Variants in IPCEF1 observed in about 807,000 individuals in gnomAD.
IPCEF1 encodes interactor protein for cytohesin exchange factors 1.
A neutral mutation model predicts 50.9 loss-of-function variants in IPCEF1; 31 were observed. The ratio of observed to expected loss-of-function variants is 0.61; its 90% CI spans 0.46 to 0.82. IPCEF1 has a LOEUF of 0.82. Ranked by LOEUF, IPCEF1 falls within the 40% of genes least tolerant of loss-of-function variation. IPCEF1 has a pLI of 0.00. For missense variants in IPCEF1, 458 were observed against 514.0 expected (o/e 0.89, Z 1.05); for synonymous variants, 181 against 192.0 (o/e 0.94, Z 0.47).
intron 1 of IPCEF1, among the ~76,000 whole-genome samples, chr6:154,305,227 T>C (rs940699217): frequency 1.3e-5 from 2 of 152,180 alleles, no homozygotes; most frequent in African/African-American, 2.4e-5. Context: ...GTGTCTGTCT[T>C]GGGACAAAAA....
At chr6:154,343,961 G>T (rs1783973732) in intron 1 of IPCEF1, among the ~76,000 whole-genome samples, 1 of 152,084 alleles carries the variant, frequency 6.6e-6, no homozygotes, top group Non-Finnish European at 1.5e-5. Flanking sequence ...GAACATCAAG[G>T]CGCCCTGCAT....
chr6:154,229,462 G>A (rs182705895), intron 5 of IPCEF1, among the ~76,000 whole-genome samples: 19 of 146,098 alleles, frequency 1.3e-4, no homozygotes, highest in Middle Eastern at 3.6e-3. Flanking sequence ...CCATTCTCCC[G>A]CCTCAGCCTC....
chr6:154,192,196 TA>T (rs1234022780), intron 10 of IPCEF1, among the ~76,000 whole-genome samples: 1 of 152,214 alleles, frequency 6.6e-6, no homozygotes, highest in Non-Finnish European at 1.5e-5. Flanking sequence ...AATTGCTTTC[TA>T]AATTGGTTCC....
chr6:154,168,707 G>C lies in IPCEF1; in HGVS notation c.911-594C>G, dbSNP rs1028739843. 2.0e-5 allele frequency among the ~76,000 whole-genome samples: 3 copies of C among 152,008 alleles called. No individual in the cohort carries two copies. Among genetic ancestry groups the C allele is most frequent in the African/African-American group, 7.2e-5 (3 of 41,380 alleles). On this transcript the variant is annotated intron_variant, in intron 10 of 11. Coordinates refer to ENST00000367220, the MANE Select transcript of IPCEF1 (RefSeq NM_001130700.2). The surrounding 1 kb of genome is among the most constrained non-coding windows in gnomAD (Gnocchi z 4.1). ...TGAAACCTACACCTCCCAGGTTCAA[G>C]TGATTCTCCTGTCTCAGCCTCCCAA...
Position 154,288,676 on chromosome 6 carries a change from C to CAAAAAAAAAAAAAAAAAAAAAAA in IPCEF1, c.-18+1014_-18+1036dup, listed in dbSNP as rs558703057. ...GACTCTGTCTAAAAAACAAAAAAAA[C>CAAAAAAAAAAAAAAAAAAAAAAA]AAAAAAAAAAAAAAAAAAAAAAAAA... On this transcript the variant is annotated intron_variant, in intron 2 of 11. Transcript: ENST00000367220. Among the ~76,000 whole-genome samples the CAAAAAAAAAAAAAAAAAAAAAAA allele has an allele frequency of 2.1e-4, 10 of 46,818 alleles. 1 individual carries two copies. Among genetic ancestry groups the CAAAAAAAAAAAAAAAAAAAAAAA allele is most frequent in the Non-Finnish European group, 3.9e-4 (8 of 20,268 alleles). The allele number at this position is 46,818 out of a possible 152,430, so 30.7% of individuals were successfully genotyped here.
intron 2 of IPCEF1, among the ~76,000 whole-genome samples, chr6:154,277,756 G>A (rs1246558080): frequency 6.6e-6 from 1 of 152,202 alleles, no homozygotes; most frequent in Admixed American, 6.5e-5. Context: ...CTGAACACAT[G>A]TGGGCTTATT....
chr6:154,163,948 A>T (rs568056277), intron 11 of IPCEF1, among the ~76,000 whole-genome samples: 1 of 152,242 alleles, frequency 6.6e-6, no homozygotes, highest in African/African-American at 2.4e-5. Flanking sequence ...GGGATTGTTT[A>T]TAGAAAGTTA....
intron 10 of IPCEF1, among the ~76,000 whole-genome samples, chr6:154,191,849 T>C (rs1191516745): frequency 6.6e-6 from 1 of 152,236 alleles, no homozygotes; most frequent in Non-Finnish European, 1.5e-5. Context: ...AGGGGGTATA[T>C]GTAAACTCTG....
At chr6:154,320,291 T>A (rs1468695820) in intron 1 of IPCEF1, among the ~76,000 whole-genome samples, 1 of 152,344 alleles carries the variant, frequency 6.6e-6, no homozygotes, top group South Asian at 2.1e-4. Context: ...TTCCAATTTG[T>A]ATCTAATTCA....
At chr6:154,252,237 G>A (rs62433240) in intron 3 of IPCEF1, among the ~76,000 whole-genome samples, 5,858 of 152,256 alleles carry the variant, frequency 0.038, 164 homozygotes, top group Non-Finnish European at 0.058. Flanking sequence ...AAAAGCAATA[G>A]AAGCCCAGCA....
chr6:154,182,600 G>A (rs1800980018), intron 10 of IPCEF1, among the ~76,000 whole-genome samples: 1 of 152,204 alleles, frequency 6.6e-6, no homozygotes, highest in South Asian at 2.1e-4. Flanking sequence ...AGAAAACGTT[G>A]GTGTACATAC....
chr6:154,237,978 A>G (rs1780274629), intron 5 of IPCEF1, among the ~76,000 whole-genome samples: 1 of 152,166 alleles, frequency 6.6e-6, no homozygotes, highest in Admixed American at 6.5e-5. Flanking sequence ...ACGATTTTAA[A>G]CGATTTTAGG....
chr6:154,341,685 C>A (rs1032713256), intron 1 of IPCEF1, among the ~76,000 whole-genome samples: 1 of 151,968 alleles, frequency 6.6e-6, no homozygotes, highest in African/African-American at 2.4e-5. Flanking sequence ...AGGTTCAATG[C>A]GTAAGGAAAG....
At chr6:154,191,588 C>T (rs556397897) in intron 10 of IPCEF1, among the ~76,000 whole-genome samples, 1 of 151,910 alleles carries the variant, frequency 6.6e-6, no homozygotes, top group South Asian at 2.1e-4. Flanking sequence ...GCAGGAGAAT[C>T]GCTTGAACCC....
chr6:154,161,868 A>G (rs1799049113), intron 11 of IPCEF1, among the ~76,000 whole-genome samples: 1 of 152,202 alleles, frequency 6.6e-6, no homozygotes, highest in Non-Finnish European at 1.5e-5. Context: ...AACCACTGCC[A>G]GTAAGTGGAT....
chr6:154,225,461 C>T (rs549438201), intron 5 of IPCEF1, among the ~76,000 whole-genome samples: 2 of 152,254 alleles, frequency 1.3e-5, no homozygotes, highest in South Asian at 2.1e-4. Context: ...ATCTTGAAAA[C>T]CTTGTGTTAA....
In IPCEF1 at chr6:154,265,349, C is replaced by T. The variant is rs564179944; in HGVS notation, c.36+563G>A. Among the ~76,000 whole-genome samples the T allele has an allele frequency of 4.4e-4, 67 of 151,690 alleles. 1 individual carries two copies. The highest frequency in any genetic ancestry group is 9.4e-4 in the African/African-American group (39 of 41,326). ...AGGCTGGAGTGCAGTGGCGCGATCTCGGCTCACTGCAACCTCCACTTCCCA... is the reference window on the plus strand; with the variant it reads ...AGGCTGGAGTGCAGTGGCGCGATCTTGGCTCACTGCAACCTCCACTTCCCA... On this transcript the variant is annotated intron_variant, in intron 3 of 11. Transcript: ENST00000367220.
At chr6:154,180,719 G>A (rs925548879) in intron 10 of IPCEF1, among the ~76,000 whole-genome samples, 3 of 152,108 alleles carry the variant, frequency 2.0e-5, no homozygotes, top group South Asian at 4.1e-4. Flanking sequence ...GAATGTGGCT[G>A]TTTATTTTCT....
Position 154,299,893 on chromosome 6 carries a change from A to T in IPCEF1, c.-61-10137T>A, listed in dbSNP as rs921710974. ...AAGAAAGTAGTCTATGACTTAAAAAAAAAAACTTGGAAAACTGTGAATCTA... is the reference window on the plus strand; with the variant it reads ...AAGAAAGTAGTCTATGACTTAAAAATAAAAACTTGGAAAACTGTGAATCTA... On this transcript the variant is annotated intron_variant, in intron 1 of 11. Transcript: ENST00000367220. 6.6e-4 allele frequency among the ~76,000 whole-genome samples: 93 copies of T among 141,782 alleles called. 14 individuals carry two copies. The highest frequency in any genetic ancestry group is 2.3e-3 in the African/African-American group (91 of 39,808). The allele number at this position is 141,782 out of a possible 152,430, so 93.0% of individuals were successfully genotyped here. A position where few individuals can be genotyped will look rare whatever the true frequency, so the allele number is the denominator to read the frequency against.
Sources: gnomAD v4.1 joint callset for allele counts (sites outside exome capture counted in the v4.1 genomes callset) on GRCh38, gnomAD v4.1.1 for gene constraint, Gnocchi (gnomAD v3.1) non-coding constraint, MANE v1.5 for transcripts, NCBI Gene and HGNC (gene_info 2026-07-23, HGNC 2026-07-21) for gene names.